SOX5: variants seen among roughly 807,000 people sequenced by gnomAD.
SOX5 encodes transcription factor SOX-5.
In SOX5, 9 loss-of-function variants were observed where a neutral mutation model predicts 92.0. The ratio of observed to expected loss-of-function variants is 0.10; its 90% CI spans 0.06 to 0.17. The LOEUF is 0.17. Ranked by LOEUF, SOX5 falls within the 10% of genes least tolerant of loss-of-function variation. The probability of loss-of-function intolerance (pLI) is 1.00; values close to 1 mark genes in which losing one functional copy is unlikely to be tolerated. For missense variants in SOX5, 642 were observed against 944.5 expected (o/e 0.68, Z 4.20); for synonymous variants, 344 against 336.3 (o/e 1.02, Z -0.25).
At chr12:23,959,357 A>G in intron 4 of SOX5, among the ~76,000 whole-genome samples, 1 of 152,000 alleles carries the variant, frequency 6.6e-6, no homozygotes, top group East Asian at 1.9e-4. Context: ...ACACATAGAG[A>G]GAATTTAGTA....
intron 3 of SOX5, among the ~76,000 whole-genome samples, chr12:23,807,831 A>T (rs1453282908): frequency 6.6e-6 from 1 of 151,818 alleles, no homozygotes; most frequent in Non-Finnish European, 1.5e-5. Flanking sequence ...TATTTTTAGT[A>T]GAGATGGGGT....
intron 1 of SOX5, among the ~76,000 whole-genome samples, chr12:24,452,306 C>A (rs148575589): frequency 6.6e-6 from 1 of 152,240 alleles, no homozygotes; most frequent in Non-Finnish European, 1.5e-5. Flanking sequence ...TATTTAAAAT[C>A]GAACTTATAA....
chr12:24,487,504 G>A (rs539944613), intron 1 of SOX5, among the ~76,000 whole-genome samples: 1 of 152,210 alleles, frequency 6.6e-6, no homozygotes, highest in African/African-American at 2.4e-5. Flanking sequence ...GATATTCATT[G>A]ACAGGCATGA....
At chr12:23,947,313 G>A (rs566261338) in intron 1 of SOX5, among the ~76,000 whole-genome samples, 1 of 151,774 alleles carries the variant, frequency 6.6e-6, no homozygotes. Context: ...CAATAGAAAT[G>A]ACCTATTTAT....
chr12:24,125,602 T>C (rs1188465572), intron 4 of SOX5, among the ~76,000 whole-genome samples: 1 of 152,202 alleles, frequency 6.6e-6, no homozygotes, highest in Admixed American at 6.5e-5. Flanking sequence ...TAGGGAATAC[T>C]GAGAAATCGT....
intron 1 of SOX5, among the ~76,000 whole-genome samples, chr12:24,481,451 T>C (rs147315883): frequency 1.6e-3 from 237 of 152,288 alleles, no homozygotes; most frequent in African/African-American, 5.6e-3. Context: ...AGAGGATAAG[T>C]GCTTGAGGGG....
intron 1 of SOX5, among the ~76,000 whole-genome samples, chr12:24,541,857 A>G (rs1016879978): frequency 5.9e-5 from 9 of 152,314 alleles, no homozygotes; most frequent in African/African-American, 2.2e-4. Flanking sequence ...TTAAACTACG[A>G]TAAATTTAGG....
chr12:24,343,635 T>C (rs1424571518), intron 2 of SOX5, among the ~76,000 whole-genome samples: 3 of 152,092 alleles, frequency 2.0e-5, no homozygotes, highest in South Asian at 2.1e-4. Context: ...GATTTTTGGC[T>C]TTTCCATTAT....
chr12:24,127,423 T>TAAC (rs1474335505), intron 4 of SOX5, among the ~76,000 whole-genome samples: 20 of 150,450 alleles, frequency 1.3e-4, no homozygotes, highest in African/African-American at 4.9e-4. Context: ...ATAATAATAA[T>TAAC]AATAATACCA....
chr12:24,200,644 G>T (rs1957428723), intron 4 of SOX5, among the ~76,000 whole-genome samples: 1 of 152,154 alleles, frequency 6.6e-6, no homozygotes, highest in Non-Finnish European at 1.5e-5. Context: ...CTTCAAAGAA[G>T]TACAATATCT....
chr12:23,652,405 C>A (rs751993461), intron 7 of SOX5, among the ~76,000 whole-genome samples: 9 of 151,906 alleles, frequency 5.9e-5, no homozygotes, highest in Middle Eastern at 6.8e-3. Context: ...GCACTTGGTT[C>A]TTCTCCTTCT....
intron 1 of SOX5, among the ~76,000 whole-genome samples, chr12:23,901,114 T>C (rs1595498489): frequency 6.6e-6 from 1 of 152,306 alleles, no homozygotes; most frequent in East Asian, 1.9e-4. Context: ...TTCTGAATAT[T>C]GTTGGTGGGT....
At chr12:24,136,262 C>T (rs1950097085) in intron 4 of SOX5, among the ~76,000 whole-genome samples, 5 of 152,204 alleles carry the variant, frequency 3.3e-5, no homozygotes, top group Admixed American at 3.3e-4. Flanking sequence ...GCTGAGAAAT[C>T]CTAAGGGGAG....
At chr12:24,475,473 G>C (rs1288546086) in intron 1 of SOX5, among the ~76,000 whole-genome samples, 1 of 152,144 alleles carries the variant, frequency 6.6e-6, no homozygotes, top group Admixed American at 6.5e-5. Context: ...AGCTGAAGTT[G>C]GTAGTGATGA....
intron 4 of SOX5, among the ~76,000 whole-genome samples, chr12:24,175,769 C>T (rs1187261763): frequency 6.6e-6 from 1 of 152,118 alleles, no homozygotes; most frequent in East Asian, 1.9e-4. Context: ...AGAGTATGGA[C>T]TGTAAGATAC....
At chr12:24,464,896 C>T (rs1944056996) in intron 1 of SOX5, among the ~76,000 whole-genome samples, 1 of 152,164 alleles carries the variant, frequency 6.6e-6, no homozygotes, top group Admixed American at 6.5e-5. Context: ...GGAAAAGCTC[C>T]TTTTCTGACT....
At chr12:23,927,666 A>AT (rs944750329) in intron 1 of SOX5, among the ~76,000 whole-genome samples, 46 of 149,938 alleles carry the variant, frequency 3.1e-4, no homozygotes, top group South Asian at 6.3e-4. Flanking sequence ...CTATAACATC[A>AT]TTTTTTTTTT....
chr12:23,567,980 T>C (rs1006397441), intron 10 of SOX5, among the ~76,000 whole-genome samples: 14 of 152,146 alleles, frequency 9.2e-5, no homozygotes, highest in African/African-American at 3.4e-4. Flanking sequence ...CCACTTGTAA[T>C]GGGTTGAATT....
At chr12:23,567,717 A>G (rs1947389976) in intron 10 of SOX5, among the ~76,000 whole-genome samples, 1 of 152,028 alleles carries the variant, frequency 6.6e-6, no homozygotes, top group South Asian at 2.1e-4. Context: ...TGGCCTCCCA[A>G]AGTGCTAGGA....
Sources: allele counts gnomAD v4.1 joint callset (sites outside exome capture counted in the v4.1 genomes callset), GRCh38; gene constraint gnomAD v4.1.1; transcripts MANE v1.5; gene names NCBI Gene and HGNC (gene_info 2026-07-23, HGNC 2026-07-21).